ARL4A: variants seen among roughly 807,000 people sequenced by gnomAD.
ARL4A encodes ARF like GTPase 4A.
In ARL4A, 5 loss-of-function variants were observed where a neutral mutation model predicts 13.9. That is an observed-to-expected ratio of 0.36 (90% CI 0.19 to 0.75). The LOEUF (loss-of-function observed/expected upper bound fraction) is 0.75, where lower values mean the gene tolerates loss of function less well. Among genes scored for constraint, ARL4A ranks in the 30% least tolerant of loss-of-function variants. ARL4A has a pLI of 0.53. For missense variants in ARL4A, 147 were observed against 225.8 expected (o/e 0.65, Z 2.24); for synonymous variants, 77 against 84.4 (o/e 0.91, Z 0.48).
Position 12,687,805 on chromosome 7 carries a change from T to C in ARL4A, c.-90+77T>C, listed in dbSNP as rs1279529021. On this transcript the variant is annotated intron_variant, in intron 1 of 1. Transcript: ENST00000651779. This position sits in a 1 kb window ranked among gnomAD's most constrained non-coding sequence, Gnocchi z 5.6. ...ATGCTGTTAAGCATGTGGAATTAGA[T>C]TCCGAAGATAGGACTATCTGCTATG... The C allele has an allele frequency of 1.3e-5, 2 of 158,688 alleles. No individual in the cohort carries two copies. Among genetic ancestry groups the C allele is most frequent in the Admixed American group, 1.2e-4 (2 of 16,292 alleles). 9.8% of individuals were successfully genotyped at this position (158,688 alleles called of 1,614,324 possible). A position where few individuals can be genotyped will look rare whatever the true frequency, so the allele number is the denominator to read the frequency against.
In ARL4A at chr7:12,688,029, G is replaced by C. The variant is rs768816555; in HGVS notation, c.-89-137G>C. 1 of 500,510 alleles carries C rather than the reference G, an allele frequency of 2.0e-6. No homozygotes were observed. Among genetic ancestry groups the C allele is most frequent in the Non-Finnish European group, 3.4e-6 (1 of 292,664 alleles). The allele number at this position is 500,510 out of a possible 1,614,324, so 31.0% of individuals were successfully genotyped here. On this transcript the variant is annotated intron_variant, in intron 1 of 1. Coordinates refer to ENST00000651779, the MANE Select transcript of ARL4A (RefSeq NM_005738.5). This position sits in a 1 kb window ranked among gnomAD's most constrained non-coding sequence, Gnocchi z 5.2. The stretch of plus-strand genomic sequence containing the variant: ...TTGGACTGTGTGTGTTTTCATGTAC[G>C]TTTCATATCTCGTCTGGTTTGTTTA...
rs1293725330 is a variant in ARL4A at position 12,689,091 on chromosome 7, G to C, written c.*234G>C. ...ACAAATCTTTTGGTACTACCATTTGGGGAAGCCAAGCAAGGATAGTAAATT... is the reference window on the plus strand; with the variant it reads ...ACAAATCTTTTGGTACTACCATTTGCGGAAGCCAAGCAAGGATAGTAAATT... On this transcript the variant is annotated 3_prime_UTR_variant, in exon 2 of 2. Coordinates refer to ENST00000651779, the MANE Select transcript of ARL4A (RefSeq NM_005738.5). The C allele has an allele frequency of 4.6e-6, 2 of 438,342 alleles. No homozygotes were observed. The highest frequency in any genetic ancestry group is 4.0e-5 in the African/African-American group (2 of 49,958). 27.2% of individuals were successfully genotyped at this position (438,342 alleles called of 1,614,324 possible).
chr7:12,688,399 G>A lies in ARL4A; in HGVS notation c.145G>A (p.Val49Ile), dbSNP rs555011940. 8.7e-6 allele frequency: 14 copies of A among 1,613,862 alleles called. No homozygotes were observed. The highest frequency in any genetic ancestry group is 2.2e-5 in the East Asian group (1 of 44,880). The change falls in exon 2 of 2, where the codon GTA (valine) becomes ATA (isoleucine). Residue 49 changes from valine to isoleucine, a missense_variant. By Grantham distance (29) the Val-to-Ile change is conservative. Coordinates refer to ENST00000651779, the MANE Select transcript of ARL4A (RefSeq NM_005738.5). This position sits in a 1 kb window ranked among gnomAD's most constrained non-coding sequence, Gnocchi z 5.2. Reference protein sequence around the residue: ...RLQFNEFVNTVPTKGFNTEKI... With the variant: ...RLQFNEFVNTIPTKGFNTEKI... ...GCAGTTCAATGAATTTGTAAATACCGTACCTACCAAAGGATTTAACACTGA... is the reference window on the plus strand; with the variant it reads ...GCAGTTCAATGAATTTGTAAATACCATACCTACCAAAGGATTTAACACTGA...
rs1784556508 is a variant in ARL4A, at chr7:12,688,177, C to G, written c.-78C>G. On this transcript the variant is annotated 5_prime_UTR_variant, in exon 2 of 2. Coordinates refer to ENST00000651779, the MANE Select transcript of ARL4A (RefSeq NM_005738.5). The surrounding 1 kb of genome is among the most constrained non-coding windows in gnomAD (Gnocchi z 5.2). The stretch of plus-strand genomic sequence containing the variant: ...CTTCCGTCTCCCAGCAGTCTTATAG[C>G]TGGATCAGCTACCAAGAGAAGTTGT... The G allele has an allele frequency of 6.6e-6, 10 of 1,507,736 alleles. No individual in the cohort carries two copies. The South Asian group carries it at 1.1e-4, about 17-fold the overall frequency. 93.4% of individuals were successfully genotyped at this position (1,507,736 alleles called of 1,614,324 possible). A position where few individuals can be genotyped will look rare whatever the true frequency, so the allele number is the denominator to read the frequency against.
rs199757485 is a variant in ARL4A, at chr7:12,690,628, T to G, written c.*1771T>G. On this transcript the variant is annotated 3_prime_UTR_variant, in exon 2 of 2. Coordinates refer to ENST00000651779, the MANE Select transcript of ARL4A (RefSeq NM_005738.5). ...GATGTGACAGGCATTGAAGGCTGTT[T>G]TTTTTTTTTTCTCCCTTCACTGATA... 10 of 162,638 alleles carry G rather than the reference T, an allele frequency of 6.1e-5. No individual in the cohort carries two copies. In the East Asian group the frequency reaches 1.9e-3, roughly 31 times the overall value. 10.1% of individuals were successfully genotyped at this position (162,638 alleles called of 1,614,324 possible). A position where few individuals can be genotyped will look rare whatever the true frequency, so the allele number is the denominator to read the frequency against.
chr7:12,690,727 CTG>C lies in ARL4A; in HGVS notation c.*1874_*1875del, dbSNP rs1211572681. Reference sequence around the variant, plus strand: ...AATAAAGCTTGCTGAAAAAAAAAATCTGTGTATCAATTAGATTTACCAGTTTG... The same window carrying C: ...AATAAAGCTTGCTGAAAAAAAAAATCTGTATCAATTAGATTTACCAGTTTG... On this transcript the variant is annotated 3_prime_UTR_variant, in exon 2 of 2. Transcript: ENST00000651779. 2 of 163,594 alleles carry C rather than the reference CTG, an allele frequency of 1.2e-5. No homozygotes were observed. Among genetic ancestry groups the C allele is most frequent in the Non-Finnish European group, 3.0e-5 (2 of 67,748 alleles). The allele number at this position is 163,594 out of a possible 1,614,324, so 10.1% of individuals were successfully genotyped here.
rs1350240700 is a variant in ARL4A at position 12,690,881 on chromosome 7, A to G, written c.*2024A>G. On this transcript the variant is annotated 3_prime_UTR_variant, in exon 2 of 2. Transcript: ENST00000651779. The stretch of plus-strand genomic sequence containing the variant: ...ATGTTATCTAAGTTTTTCATATTTC[A>G]TGGACAACAAAAGAGAAAATGGTAT... 1.2e-5 allele frequency: 2 copies of G among 166,894 alleles called. No homozygotes were observed. The highest frequency in any genetic ancestry group is 2.9e-5 in the Non-Finnish European group (2 of 68,096). The allele number at this position is 166,894 out of a possible 1,614,324, so 10.3% of individuals were successfully genotyped here. A position where few individuals can be genotyped will look rare whatever the true frequency, so the allele number is the denominator to read the frequency against.
rs1232184082 is a variant in ARL4A at position 12,688,127 on chromosome 7, A to G, written c.-89-39A>G. ...TAGAGCAAACCTGTTTTAATGTATT[A>G]TTTCGGGAGAATAACTTATTCCTTC... On this transcript the variant is annotated intron_variant, in intron 1 of 1. Coordinates refer to ENST00000651779, the MANE Select transcript of ARL4A (RefSeq NM_005738.5). The surrounding 1 kb of genome is among the most constrained non-coding windows in gnomAD (Gnocchi z 5.2). 23 of 1,363,712 alleles carry G rather than the reference A, an allele frequency of 1.7e-5. No individual in the cohort carries two copies. The highest frequency in any genetic ancestry group is 2.3e-5 in the Non-Finnish European group (23 of 1,003,668). The allele number at this position is 1,363,712 out of a possible 1,614,324, so 84.5% of individuals were successfully genotyped here.
chr7:12,689,110 G>A lies in ARL4A; in HGVS notation c.*253G>A. 2.5e-6 allele frequency: 1 copy of A among 404,812 alleles called. No homozygotes were observed. The highest frequency in any genetic ancestry group is 3.3e-5 in the South Asian group (1 of 30,378). 25.1% of individuals were successfully genotyped at this position (404,812 alleles called of 1,614,324 possible). The stretch of plus-strand genomic sequence containing the variant: ...CATTTGGGGAAGCCAAGCAAGGATA[G>A]TAAATTGACCAGAACACAGTTGTGG... On this transcript the variant is annotated 3_prime_UTR_variant, in exon 2 of 2. Coordinates refer to ENST00000651779, the MANE Select transcript of ARL4A (RefSeq NM_005738.5).
At position 12,688,572 on chromosome 7, in the gene ARL4A, A is replaced by T. The variant is rs1784564870; in HGVS notation, c.318A>T (p.Glu106Asp). ...TTGTTGTGGACTCTGTTGATGTCGA[A>T]AGGATGGAAGAAGCCAAAACTGAAC... ...IVFVVDSVDV[E>D]RMEEAKTELH... The change falls in exon 2 of 2, where the codon GAA becomes GAT. Residue 106 changes from glutamate (E) to aspartate (D), a missense_variant. Transcript: ENST00000651779. The surrounding 1 kb of genome is among the most constrained non-coding windows in gnomAD (Gnocchi z 5.2). 6 of 1,612,010 alleles carry T rather than the reference A, an allele frequency of 3.7e-6. No homozygotes were observed. The highest frequency in any genetic ancestry group is 5.1e-6 in the Non-Finnish European group (6 of 1,179,842).
At chr7:12,687,224 C>T (rs905517975), upstream of ARL4A, 1 of 152,192 alleles carries the variant, frequency 6.6e-6, no homozygotes, top group African/African-American at 2.4e-5. This position sits in a 1 kb window ranked among gnomAD's most constrained non-coding sequence, Gnocchi z 5.6. Context: ...CCGGCACCCT[C>T]GGGCCCGCGG....
Position 12,690,743 on chromosome 7 carries a change from T to C in ARL4A, c.*1886T>C, listed in dbSNP as rs563796499. On this transcript the variant is annotated 3_prime_UTR_variant, in exon 2 of 2. Coordinates refer to ENST00000651779, the MANE Select transcript of ARL4A (RefSeq NM_005738.5). ...AAAAAAAATCTGTGTATCAATTAGA[T>C]TTACCAGTTTGCCTGTACTTTCTGT... 2 of 166,430 alleles carry C rather than the reference T, an allele frequency of 1.2e-5. No individual in the cohort carries two copies. Among genetic ancestry groups the C allele is most frequent in the Middle Eastern group, 3.4e-3 (1 of 296 alleles). 10.3% of individuals were successfully genotyped at this position (166,430 alleles called of 1,614,324 possible). A position where few individuals can be genotyped will look rare whatever the true frequency, so the allele number is the denominator to read the frequency against.
chr7:12,688,309 C>A lies in ARL4A; in HGVS notation c.55C>A (p.Gln19Lys). 1 of 1,613,382 alleles carries A rather than the reference C, an allele frequency of 6.2e-7. No individual in the cohort carries two copies. The change falls in exon 2 of 2, where the codon CAG (glutamine) becomes AAG (lysine). Residue 19 changes from glutamine to lysine, a missense_variant. By Grantham distance (53) the Gln-to-Lys change is moderately conservative. Transcript: ENST00000651779. This position sits in a 1 kb window ranked among gnomAD's most constrained non-coding sequence, Gnocchi z 5.2. The part of the protein sequence containing the change: ...TSILSNLPSF[Q>K]SFHIVILGLD... Reference sequence around the variant, plus strand: ...TATCCTGTCCAACCTGCCTTCATTTCAGTCTTTCCACATTGTTATTCTGGG... The same window carrying A: ...TATCCTGTCCAACCTGCCTTCATTTAAGTCTTTCCACATTGTTATTCTGGG...
In ARL4A at chr7:12,689,539, G is replaced by C. The variant is rs1332045417; in HGVS notation, c.*682G>C. The C allele has an allele frequency of 1.8e-5, 3 of 166,648 alleles. No homozygotes were observed. The highest frequency in any genetic ancestry group is 2.9e-5 in the Non-Finnish European group (2 of 68,128). The allele number at this position is 166,648 out of a possible 1,614,324, so 10.3% of individuals were successfully genotyped here. On this transcript the variant is annotated 3_prime_UTR_variant, in exon 2 of 2. Transcript: ENST00000651779. ...CTGACAAAGCATGTTTTGGTGTGTA[G>C]TCTTACTTTTTAGAAATAGCTATGC... is the stretch of plus-strand genomic sequence containing the variant.
At chr7:12,687,496 C>T (rs1784542773), upstream of ARL4A, 1 of 152,854 alleles carries the variant, frequency 6.5e-6, no homozygotes, top group Non-Finnish European at 1.5e-5. This position sits in a 1 kb window ranked among gnomAD's most constrained non-coding sequence, Gnocchi z 5.6. Context: ...CAGTTACCCT[C>T]ACCAATTAGG....
chr7:12,688,786 G>C lies in ARL4A; in HGVS notation c.532G>C (p.Gly178Arg), dbSNP rs1784569571. The C allele has an allele frequency of 6.2e-7, 1 of 1,613,658 alleles. No individual in the cohort carries two copies. The highest frequency in any genetic ancestry group is 2.2e-5 in the East Asian group (1 of 44,884). The stretch of plus-strand genomic sequence containing the variant: ...AATCATAGGAGATGGCCTAAAGGAA[G>C]GACTTGAGAAACTACATGATATGAT... ...CAIIGDGLKE[G>R]LEKLHDMIIK... The change falls in exon 2 of 2, where the codon GGA becomes CGA. Residue 178 changes from glycine (G) to arginine (R), a missense_variant. By Grantham distance (125) the Gly-to-Arg change is moderately radical. Coordinates refer to ENST00000651779, the MANE Select transcript of ARL4A (RefSeq NM_005738.5). This position sits in a 1 kb window ranked among gnomAD's most constrained non-coding sequence, Gnocchi z 5.2.
chr7:12,688,201 G>C lies in ARL4A; in HGVS notation c.-54G>C, dbSNP rs2280633. On this transcript the variant is annotated 5_prime_UTR_variant, in exon 2 of 2. Coordinates refer to ENST00000651779, the MANE Select transcript of ARL4A (RefSeq NM_005738.5). The surrounding 1 kb of genome is among the most constrained non-coding windows in gnomAD (Gnocchi z 5.2). ...GCTGGATCAGCTACCAAGAGAAGTT[G>C]TAAACCAAGAAGAGAAAAGCATTTC... 1,014,738 of 1,519,982 alleles carry C rather than the reference G, an allele frequency of 0.67. 345,888 individuals are homozygous for C. Among genetic ancestry groups the C allele is most frequent in the African/African-American group, 0.88 (63,468 of 71,884 alleles). The allele number at this position is 1,519,982 out of a possible 1,614,324, so 94.2% of individuals were successfully genotyped here. A position where few individuals can be genotyped will look rare whatever the true frequency, so the allele number is the denominator to read the frequency against.
rs1161038378 is a variant in ARL4A at position 12,689,800 on chromosome 7, G to T, written c.*943G>T. ...GGTCTCTAAAATATTCCAGTTACAA[G>T]ATATTTGTTTTATTAATATTTGCTG... On this transcript the variant is annotated 3_prime_UTR_variant, in exon 2 of 2. Transcript: ENST00000651779. 1 of 166,716 alleles carries T rather than the reference G, an allele frequency of 6.0e-6. No individual in the cohort carries two copies. The highest frequency in any genetic ancestry group is 2.4e-5 in the African/African-American group (1 of 41,468). The allele number at this position is 166,716 out of a possible 1,614,324, so 10.3% of individuals were successfully genotyped here.
chr7:12,687,619 G>C (rs1403671290), upstream of ARL4A: 2 of 152,908 alleles, frequency 1.3e-5, no homozygotes, highest in Non-Finnish European at 2.9e-5. The surrounding 1 kb of genome is among the most constrained non-coding windows in gnomAD (Gnocchi z 5.6). Flanking sequence ...AAGGTTTCTC[G>C]TGCGGCAACT....
Sources: allele counts gnomAD v4.1 joint callset, GRCh38; gene constraint gnomAD v4.1.1; non-coding constraint Gnocchi (gnomAD v3.1); transcripts MANE v1.5; gene names NCBI Gene and HGNC (gene_info 2026-07-23, HGNC 2026-07-21).